The following PPHLN1 variants were observed in gnomAD, a reference collection of about 807,000 sequenced individuals.
The protein encoded by PPHLN1 is periphilin-1.
In PPHLN1, 29 loss-of-function variants were observed where a neutral mutation model predicts 51.3. The observed-to-expected ratio is 0.57, with a 90% CI of 0.42 to 0.77. The LOEUF (loss-of-function observed/expected upper bound fraction) is 0.77, where lower values mean the gene tolerates loss of function less well. Ranked by LOEUF, PPHLN1 falls within the 30% of genes least tolerant of loss-of-function variation. PPHLN1 has a pLI of 0.00. For missense variants in PPHLN1, 436 were observed against 438.4 expected, an observed-to-expected ratio of 0.99 and a Z score of 0.05; for synonymous variants, 147 against 147.8, an observed-to-expected ratio of 0.99 and a Z score of 0.04.
At chr12:42,399,142 A>G in intron 9 of PPHLN1, 148 bp downstream of exon 9, 1 of 1,418,776 alleles carries the variant, frequency 7.0e-7, no homozygotes, top group Non-Finnish European at 9.2e-7. Context: ...GTTTGAGTTG[A>G]CTTCACAGTC....
At chr12:42,349,154 T>G (rs888648729) in intron 2 of PPHLN1, among the ~76,000 whole-genome samples, 3 of 152,236 alleles carry the variant, frequency 2.0e-5, no homozygotes, top group Non-Finnish European at 4.4e-5. Flanking sequence ...TAAGAAGTAA[T>G]TTAAGGAAAC....
intron 9 of PPHLN1, among the ~76,000 whole-genome samples, chr12:42,411,184 A>G (rs1391618450): frequency 6.6e-6 from 1 of 151,876 alleles, no homozygotes; most frequent in Non-Finnish European, 1.5e-5. Context: ...ATCTTGTGAA[A>G]GACTATCTCT....
chr12:42,446,605 A>G, downstream of PPHLN1: 1 of 1,613,516 alleles, frequency 6.2e-7, no homozygotes, highest in Non-Finnish European at 8.5e-7. Context: ...GTAAAGCCAG[A>G]AAACAAGCAG....
chr12:42,367,996 C>T (rs1001249430), intron 4 of PPHLN1, among the ~76,000 whole-genome samples: 2 of 152,120 alleles, frequency 1.3e-5, no homozygotes, highest in African/African-American at 2.4e-5. Flanking sequence ...CTCGGCCTCC[C>T]GAAGTGGTAG....
chr12:42,441,800 G>A lies in PPHLN1; in HGVS notation c.*291G>A, dbSNP rs759155720. 4.7e-5 allele frequency: 52 copies of A among 1,107,196 alleles called. No individual in the cohort carries two copies. Among genetic ancestry groups the A allele is most frequent in the Middle Eastern group, 3.9e-4 (1 of 2,574 alleles). The allele number at this position is 1,107,196 out of a possible 1,614,324, so 68.6% of individuals were successfully genotyped here. ...CTCTCAAAGTGTTGAGATTACAGGCGTGAGCCACCGCTCCCTGCCCAACAC... is the reference window on the plus strand; with the variant it reads ...CTCTCAAAGTGTTGAGATTACAGGCATGAGCCACCGCTCCCTGCCCAACAC... On this transcript the variant is annotated 3_prime_UTR_variant, in exon 10 of 10. Coordinates refer to ENST00000358314, the MANE Select transcript of PPHLN1 (RefSeq NM_201439.2).
chr12:42,413,476 G>A (rs960491399), intron 9 of PPHLN1, among the ~76,000 whole-genome samples: 1 of 151,680 alleles, frequency 6.6e-6, no homozygotes, highest in South Asian at 2.1e-4. Flanking sequence ...TGGTCTATGT[G>A]CCTTATTTTA....
chr12:42,342,580 T>C (rs896563014), intron 2 of PPHLN1, among the ~76,000 whole-genome samples: 4 of 152,244 alleles, frequency 2.6e-5, no homozygotes, highest in Admixed American at 2.6e-4. Flanking sequence ...AGTTCCAGTT[T>C]CAGAATTTTT....
chr12:42,328,366 C>G (rs2069128737), intron 1 of PPHLN1, among the ~76,000 whole-genome samples: 2 of 152,142 alleles, frequency 1.3e-5, no homozygotes, highest in African/African-American at 4.8e-5. Context: ...TAAAAAACCT[C>G]TTGGATTCTT....
At chr12:42,404,302 G>A (rs1204267983) in intron 9 of PPHLN1, among the ~76,000 whole-genome samples, 1 of 152,164 alleles carries the variant, frequency 6.6e-6, no homozygotes, top group Non-Finnish European at 1.5e-5. Flanking sequence ...GCCCAGGCGG[G>A]TGGATCACTT....
intron 4 of PPHLN1, 44 bp from the exon 5 acceptor site, chr12:42,374,819 A>G (rs767145665): frequency 6.9e-7 from 1 of 1,448,814 alleles, no homozygotes; most frequent in Non-Finnish European, 9.5e-7. Flanking sequence ...TATATAGAGG[A>G]TAGAGTATAA....
intron 7 of PPHLN1, among the ~76,000 whole-genome samples, chr12:42,389,200 G>A (rs558902752): frequency 3.9e-5 from 6 of 151,964 alleles, no homozygotes; most frequent in South Asian, 2.1e-4. Flanking sequence ...GTGAAACCCC[G>A]TCTCTACTAA....
intron 4 of PPHLN1, chr12:42,359,137 C>G (rs2074352140): frequency 6.6e-6 from 1 of 152,136 alleles, no homozygotes. Context: ...TCTGTGATCA[C>G]AATGTTGCCT....
intron 5 of PPHLN1, among the ~76,000 whole-genome samples, chr12:42,376,411 G>A (rs1410638515): frequency 6.6e-6 from 1 of 152,214 alleles, no homozygotes; most frequent in Non-Finnish European, 1.5e-5. Context: ...GATAGATAGA[G>A]TGGGGCTTCC....
chr12:42,329,389 G>T (rs2069344185), intron 1 of PPHLN1, among the ~76,000 whole-genome samples: 1 of 152,144 alleles, frequency 6.6e-6, no homozygotes, highest in Non-Finnish European at 1.5e-5. Flanking sequence ...ACAAGCGTGA[G>T]CCACCGCGCC....
intron 4 of PPHLN1, among the ~76,000 whole-genome samples, chr12:42,356,414 CT>C (rs2138331485): frequency 6.6e-6 from 1 of 152,250 alleles, no homozygotes; most frequent in African/African-American, 2.4e-5. Context: ...AGCTTGGTAC[CT>C]TTTGTAGAAA....
At chr12:42,420,368 T>C (rs574608445) in intron 9 of PPHLN1, among the ~76,000 whole-genome samples, 9 of 152,280 alleles carry the variant, frequency 5.9e-5, no homozygotes, top group African/African-American at 1.9e-4. Flanking sequence ...TTAGACATTT[T>C]GAAACTTGTC....
chr12:42,407,763 TG>T (rs1448503137), intron 9 of PPHLN1, among the ~76,000 whole-genome samples: 1 of 152,232 alleles, frequency 6.6e-6, no homozygotes, highest in Admixed American at 6.5e-5. Context: ...TGCAATGTAA[TG>T]CTGTGTAAAT....
intron 9 of PPHLN1, among the ~76,000 whole-genome samples, chr12:42,436,404 A>G (rs754419351): frequency 6.6e-6 from 1 of 152,170 alleles, no homozygotes; most frequent in South Asian, 2.1e-4. Flanking sequence ...TATAAAATCA[A>G]TCTCTTCCTC....
intron 9 of PPHLN1, among the ~76,000 whole-genome samples, 199 bp from the exon 10 acceptor site, chr12:42,441,116 A>G (rs559591495): frequency 6.6e-6 from 1 of 152,286 alleles, no homozygotes; most frequent in East Asian, 1.9e-4. Context: ...CTTCTCATTC[A>G]GGTATTGTCA....
Sources: allele counts gnomAD v4.1 joint callset (sites outside exome capture counted in the v4.1 genomes callset), GRCh38; gene constraint gnomAD v4.1.1; transcripts MANE v1.5; gene names NCBI Gene and HGNC (gene_info 2026-07-23, HGNC 2026-07-21).